GRID2: variants seen among roughly 807,000 people sequenced by gnomAD.
The protein encoded by GRID2 is glutamate receptor ionotropic, delta-2.
Under a neutral mutation model 114.8 loss-of-function variants are expected in GRID2, and 33 were observed. The ratio of observed to expected loss-of-function variants is 0.29; its 90% confidence interval spans 0.22 to 0.38. The LOEUF (loss-of-function observed/expected upper bound fraction) is 0.38. Among genes scored for constraint, GRID2 ranks in the 10% least tolerant of loss-of-function variants. The probability of loss-of-function intolerance (pLI) is 1.00; values close to 1 mark genes in which losing one functional copy is unlikely to be tolerated. For missense variants in GRID2, 1,184 were observed against 1,257.7 expected (o/e 0.94, Z 0.89); for synonymous variants, 505 against 449.9 (o/e 1.12, Z -1.55).
chr4:92,427,348 G>C (rs1732211652), intron 1 of GRID2, among the ~76,000 whole-genome samples: 1 of 152,004 alleles, frequency 6.6e-6, no homozygotes. Flanking sequence ...TAAATGAAGG[G>C]GTTGGGATAA....
At chr4:93,153,755 T>C (rs1390372997) in intron 4 of GRID2, among the ~76,000 whole-genome samples, 1 of 152,136 alleles carries the variant, frequency 6.6e-6, no homozygotes, top group Non-Finnish European at 1.5e-5. Context: ...TAAGTTCTTA[T>C]GTATAACTGA....
chr4:93,806,186 A>G (rs1027463455), intron 1 of GRID2, among the ~76,000 whole-genome samples: 2 of 152,256 alleles, frequency 1.3e-5, no homozygotes, highest in African/African-American at 4.8e-5. Context: ...GATTATAAAC[A>G]TAGTACAATT....
In GRID2 at chr4:93,518,794, TAA is replaced by T. The variant is rs1357546009; in HGVS notation, c.2193+3385_2193+3386del. Among the ~76,000 whole-genome samples, 13 of 152,056 alleles carry T rather than the reference TAA, an allele frequency of 8.5e-5. No individual in the cohort carries two copies. The South Asian group carries it at 2.7e-3, about 32-fold the overall frequency. On this transcript the variant is annotated intron_variant, in intron 13 of 15. Transcript: ENST00000282020. ...AGGGGAGAGTATGTGTACGTCTGAG[TAA>T]AGTGTTTTTAGAAAGAGGGTCAGCC...
At chr4:92,975,815 A>G (rs1753835492) in intron 2 of GRID2, among the ~76,000 whole-genome samples, 1 of 152,112 alleles carries the variant, frequency 6.6e-6, no homozygotes, top group Non-Finnish European at 1.5e-5. Flanking sequence ...TTAATATTTA[A>G]CAATGAAACA....
At chr4:93,321,872 C>T (rs892060129) in intron 8 of GRID2, among the ~76,000 whole-genome samples, 24 of 151,696 alleles carry the variant, frequency 1.6e-4, no homozygotes, top group African/African-American at 5.8e-4. Context: ...ATTTTAATTC[C>T]AATTAAAGCG....
At chr4:92,704,723 TTC>T (rs373207037) in intron 2 of GRID2, among the ~76,000 whole-genome samples, 2,273 of 89,798 alleles carry the variant, frequency 0.025, 62 homozygotes, top group African/African-American at 0.086. Flanking sequence ...CTCTCTCTCT[TTC>T]TCTCTCTCTC....
intron 11 of GRID2, among the ~76,000 whole-genome samples, chr4:93,483,803 G>T (rs550036159): frequency 1.3e-5 from 2 of 151,876 alleles, no homozygotes; most frequent in Non-Finnish European, 2.9e-5. Context: ...TGCTTTAGCA[G>T]AGCACTTTAA....
intron 2 of GRID2, among the ~76,000 whole-genome samples, chr4:92,807,442 AAAGT>A (rs1268154618): frequency 6.6e-6 from 1 of 152,010 alleles, no homozygotes; most frequent in Non-Finnish European, 1.5e-5. Context: ...AAAAAATGTC[AAAGT>A]AAGTATCAGT....
chr4:93,465,586 T>C (rs1194739073), intron 11 of GRID2, among the ~76,000 whole-genome samples: 6 of 152,178 alleles, frequency 3.9e-5, no homozygotes, highest in African/African-American at 1.4e-4. Flanking sequence ...GATATAAAAC[T>C]ATTAGAACTG....
At chr4:92,630,123 G>A (rs770013760) in intron 2 of GRID2, among the ~76,000 whole-genome samples, 13 of 151,800 alleles carry the variant, frequency 8.6e-5, no homozygotes, top group African/African-American at 1.2e-4. Context: ...GAAATCTCGG[G>A]TCTAGACATC....
intron 1 of GRID2, among the ~76,000 whole-genome samples, chr4:93,790,463 C>T (rs186642841): frequency 6.6e-6 from 1 of 151,952 alleles, no homozygotes; most frequent in African/African-American, 2.4e-5. Flanking sequence ...ATTTTAAACA[C>T]ATAATGCATT....
chr4:93,734,174 G>T (rs1303708147), intron 14 of GRID2, among the ~76,000 whole-genome samples: 1 of 151,990 alleles, frequency 6.6e-6, no homozygotes, highest in Non-Finnish European at 1.5e-5. Flanking sequence ...GAGAACAATA[G>T]TTGGCTTAAT....
chr4:92,832,511 A>C (rs374675717), intron 2 of GRID2, among the ~76,000 whole-genome samples: 2 of 151,946 alleles, frequency 1.3e-5, no homozygotes, highest in African/African-American at 4.8e-5. Context: ...CTTCTGCCTC[A>C]GCCTCCAGAG....
Position 92,586,546 on chromosome 4 carries a change from A to G in GRID2, c.89-3585A>G, listed in dbSNP as rs1384416110. 2.0e-5 allele frequency among the ~76,000 whole-genome samples: 3 copies of G among 152,086 alleles called. No individual in the cohort carries two copies. In the East Asian group the frequency reaches 5.8e-4, roughly 29 times the overall value. The stretch of plus-strand genomic sequence containing the variant: ...TATGTTTTTTTAACAGAAGTACTGT[A>G]GCTTGTCAGTTAGCTTTGAATTGTA... On this transcript the variant is annotated intron_variant, in intron 1 of 15. Transcript: ENST00000282020.
At chr4:93,747,764 T>G (rs180957376) in intron 14 of GRID2, among the ~76,000 whole-genome samples, 8 of 152,202 alleles carry the variant, frequency 5.3e-5, no homozygotes, top group African/African-American at 1.9e-4. Flanking sequence ...ATTGTTGATT[T>G]GACAGAAAAA....
chr4:93,052,423 C>T (rs1283774895), intron 2 of GRID2, among the ~76,000 whole-genome samples: 2 of 151,878 alleles, frequency 1.3e-5, no homozygotes, highest in Admixed American at 1.3e-4. Flanking sequence ...TCTATTTACA[C>T]AAACCTACGT....
intron 2 of GRID2, among the ~76,000 whole-genome samples, chr4:92,818,386 A>G (rs1741048090): frequency 6.6e-6 from 1 of 152,160 alleles, no homozygotes; most frequent in Non-Finnish European, 1.5e-5. Flanking sequence ...AACATTAAAA[A>G]AGAAAAATGG....
chr4:92,704,718 TCTCTTTC>T, intron 2 of GRID2, among the ~76,000 whole-genome samples: 1 of 143,358 alleles, frequency 7.0e-6, no homozygotes, highest in African/African-American at 2.6e-5. Flanking sequence ...TCTCTCTCTC[TCTCTTTC>T]TCTCTCTCTC....
At chr4:92,339,239 C>T (rs555295478) in intron 1 of GRID2, among the ~76,000 whole-genome samples, 1 of 152,152 alleles carries the variant, frequency 6.6e-6, no homozygotes, top group South Asian at 2.1e-4. Context: ...TAAGATGACT[C>T]GGAAAGCTGA....
Sources: allele counts gnomAD v4.1 joint callset (sites outside exome capture counted in the v4.1 genomes callset), GRCh38; gene constraint gnomAD v4.1.1; transcripts MANE v1.5; gene names NCBI Gene and HGNC (gene_info 2026-07-23, HGNC 2026-07-21).